PRXL2C: variants seen among roughly 807,000 people sequenced by gnomAD.
PRXL2C encodes the protein peroxiredoxin like 2C, also known as peroxiredoxin-like 2C.
A neutral mutation model predicts 24.9 loss-of-function variants in PRXL2C; 38 were observed. The observed-to-expected ratio is 1.53, with a 90% CI of 1.18 to 2.00. PRXL2C has a LOEUF of 2.00. Among genes scored for constraint, PRXL2C ranks in the 30% most tolerant of loss-of-function variants. The probability of loss-of-function intolerance (pLI) is 0.00; values close to 1 mark genes in which losing one functional copy is unlikely to be tolerated. For synonymous variants in PRXL2C, 98 were observed against 117.2 expected, an observed-to-expected ratio of 0.84 and a Z score of 1.06; for missense variants, 294 against 290.9, an observed-to-expected ratio of 1.01 and a Z score of -0.08.
intron 4 of PRXL2C, among the ~76,000 whole-genome samples, chr9:96,649,337 G>C (rs1365370773): frequency 2.0e-5 from 3 of 149,986 alleles, no homozygotes; most frequent in Non-Finnish European, 4.4e-5. Flanking sequence ...GGCCGAGGTG[G>C]GTGGATCACC....
At position 96,646,035 on chromosome 9, in the gene PRXL2C, G is replaced by A. The variant is rs375471145; in HGVS notation, c.422-11C>T. On this transcript the variant is annotated splice_polypyrimidine_tract_variant and intron_variant, in intron 4 of 5. Transcript: ENST00000375234. ...TGTGGGGGCTCTGTCCTGAAATGTC[G>A]AAAATTGTCTTTAGATGTCATTTTA... is the stretch of plus-strand genomic sequence containing the variant. 7.9e-5 allele frequency: 125 copies of A among 1,587,486 alleles called. No homozygotes were observed. Among genetic ancestry groups the A allele is most frequent in the Non-Finnish European group, 1.0e-4 (117 of 1,170,604 alleles).
At position 96,639,879 on chromosome 9, in the gene PRXL2C, G is replaced by A. The variant is rs1848092328; in HGVS notation, c.*1880C>T. ...AGGCTGAGGCAGGCAGATCACCTGA[G>A]GTCGGGAGTTCGAGACCAGCCTGAC... On this transcript the variant is annotated 3_prime_UTR_variant, in exon 6 of 6. Transcript: ENST00000375234. The A allele has an allele frequency of 6.6e-6, 1 of 151,886 alleles. No individual in the cohort carries two copies. The highest frequency in any genetic ancestry group is 1.5e-5 in the Non-Finnish European group (1 of 67,988). The allele number at this position is 151,886 out of a possible 1,614,324, so 9.4% of individuals were successfully genotyped here.
chr9:96,646,508 G>A (rs929509118), intron 4 of PRXL2C, among the ~76,000 whole-genome samples: 1 of 152,200 alleles, frequency 6.6e-6, no homozygotes, highest in Non-Finnish European at 1.5e-5. Context: ...GACACAGACT[G>A]CTACGTGTTG....
chr9:96,649,596 A>G (rs1002021272), intron 4 of PRXL2C, among the ~76,000 whole-genome samples: 1 of 150,782 alleles, frequency 6.6e-6, no homozygotes, highest in Non-Finnish European at 1.5e-5. Flanking sequence ...AAAAAAACCC[A>G]TCAATAAAGG....
intron 5 of PRXL2C, among the ~76,000 whole-genome samples, chr9:96,642,895 TC>T (rs1564407515): frequency 6.6e-6 from 1 of 152,098 alleles, no homozygotes; most frequent in Non-Finnish European, 1.5e-5. Context: ...GAGTTCCGCA[TC>T]CTCATTCAAC....
chr9:96,642,025 T>G, intron 5 of PRXL2C, 139 bp from the exon 6 acceptor site: 1 of 552,214 alleles, frequency 1.8e-6, no homozygotes, highest in Non-Finnish European at 2.9e-6. Context: ...ATATTCTCTA[T>G]ATAATGCCAT....
At position 96,640,042 on chromosome 9, in the gene PRXL2C, G is replaced by C. The variant is rs1489714072; in HGVS notation, c.*1717C>G. On this transcript the variant is annotated 3_prime_UTR_variant, in exon 6 of 6. Coordinates refer to ENST00000375234, the MANE Select transcript of PRXL2C (RefSeq NM_153698.2). ...CGGGAGGTGGAGGTTGCAGTGAGCC[G>C]AGATCGTGCCATTGCACTCCATCCT... 1 of 149,852 alleles carries C rather than the reference G, an allele frequency of 6.7e-6. No homozygotes were observed. Among genetic ancestry groups the C allele is most frequent in the Non-Finnish European group, 1.5e-5 (1 of 67,826 alleles). 9.3% of individuals were successfully genotyped at this position (149,852 alleles called of 1,614,324 possible).
chr9:96,649,282 G>C (rs537717900), intron 4 of PRXL2C, among the ~76,000 whole-genome samples: 2 of 151,246 alleles, frequency 1.3e-5, no homozygotes, highest in African/African-American at 4.9e-5. Flanking sequence ...ATCTATAAAG[G>C]AGCCGGGTGC....
Position 96,646,034 on chromosome 9 carries a change from C to T in PRXL2C, c.422-10G>A, listed in dbSNP as rs28695264. The T allele has an allele frequency of 2.8e-3, 4,448 of 1,586,416 alleles. 86 individuals carry two copies. In the African/African-American group the frequency reaches 0.052, roughly 19 times the overall value. The stretch of plus-strand genomic sequence containing the variant: ...ATGTGGGGGCTCTGTCCTGAAATGT[C>T]GAAAATTGTCTTTAGATGTCATTTT... On this transcript the variant is annotated splice_polypyrimidine_tract_variant and intron_variant, in intron 4 of 5. Coordinates refer to ENST00000375234, the MANE Select transcript of PRXL2C (RefSeq NM_153698.2).
At chr9:96,641,916 G>C (rs1344411331) in intron 5 of PRXL2C, 30 bp from the exon 6 acceptor site, 2 of 1,434,216 alleles carry the variant, frequency 1.4e-6, no homozygotes, top group South Asian at 1.7e-5. Context: ...AAAGGCTGAG[G>C]CATAGTATTA....
intron 2 of PRXL2C, among the ~76,000 whole-genome samples, chr9:96,654,161 T>G (rs1227572132): frequency 1.3e-5 from 2 of 152,334 alleles, no homozygotes; most frequent in African/African-American, 4.8e-5. Context: ...TAATCAATGT[T>G]ATTTTTTCAC....
Position 96,641,841 on chromosome 9 carries a change from T to A in PRXL2C, c.599A>T (p.His200Leu). 1 of 1,561,996 alleles carries A rather than the reference T, an allele frequency of 6.4e-7. No individual in the cohort carries two copies. Among genetic ancestry groups the A allele is most frequent in the Non-Finnish European group, 8.7e-7 (1 of 1,143,036 alleles). Residue 200 changes from histidine (H) to leucine (L), a missense_variant, in exon 6 of 6, where the codon CAC (histidine) becomes CTC (leucine). His to Leu is a moderately conservative substitution (Grantham distance 99). Coordinates refer to ENST00000375234, the MANE Select transcript of PRXL2C (RefSeq NM_153698.2). Reference protein sequence around the residue: ...FIHRDRNRLDHKPINSVLQLV... With the variant: ...FIHRDRNRLDLKPINSVLQLV... ...CTGTAAAACAGAGTTGATAGGTTTG[T>A]GATCCAACCTATTCCTATCGCGGTG...
intron 5 of PRXL2C, among the ~76,000 whole-genome samples, chr9:96,643,345 C>G (rs1159666741): frequency 6.6e-6 from 1 of 152,198 alleles, no homozygotes; most frequent in Non-Finnish European, 1.5e-5. Flanking sequence ...TTCCCAGGTT[C>G]AAGCGATTAT....
intron 5 of PRXL2C, among the ~76,000 whole-genome samples, chr9:96,644,745 G>A (rs1294242998): frequency 6.6e-6 from 1 of 152,022 alleles, no homozygotes; most frequent in Non-Finnish European, 1.5e-5. Flanking sequence ...CTCCCAAAAT[G>A]CTGGGATTAT....
intron 5 of PRXL2C, among the ~76,000 whole-genome samples, chr9:96,642,964 TACAG>T (rs1381339759): frequency 6.6e-6 from 1 of 152,204 alleles, no homozygotes; most frequent in Non-Finnish European, 1.5e-5. Flanking sequence ...GCTGAATATG[TACAG>T]ACATTTTTTT....
At chr9:96,642,342 C>T (rs1848128542) in intron 5 of PRXL2C, among the ~76,000 whole-genome samples, 1 of 152,028 alleles carries the variant, frequency 6.6e-6, no homozygotes. Flanking sequence ...GTATTATAAC[C>T]ATAGCCCAAA....
intron 1 of PRXL2C, 47 bp downstream of exon 1, chr9:96,655,043 C>T (rs1336018095): frequency 1.4e-6 from 2 of 1,453,722 alleles, no homozygotes; most frequent in African/African-American, 1.5e-5. Context: ...GGCAGCCTGC[C>T]CGGGACCCTG....
Position 96,655,313 on chromosome 9 carries a change from C to T in PRXL2C, c.-32G>A. On this transcript the variant is annotated 5_prime_UTR_variant, in exon 1 of 6. Transcript: ENST00000375234. ...GGGCGGCCGAGGGCCTGGGTCCGCT[C>T]TGTCAGCGCGGACCGGGGCGGGGCG... 1.9e-6 allele frequency: 2 copies of T among 1,030,756 alleles called. No homozygotes were observed. The highest frequency in any genetic ancestry group is 1.2e-6 in the Non-Finnish European group (1 of 859,000). The allele number at this position is 1,030,756 out of a possible 1,614,324, so 63.9% of individuals were successfully genotyped here.
rs145355978 is a variant in PRXL2C, at chr9:96,653,204, G to A, written c.262-1492C>T. On this transcript the variant is annotated intron_variant, in intron 2 of 5. Transcript: ENST00000375234. ...ATCGCGCCACTGCACTCCAGCCTGGGCGATAGAGTGAGACTCCATCTCAAA... is the reference window on the plus strand; with the variant it reads ...ATCGCGCCACTGCACTCCAGCCTGGACGATAGAGTGAGACTCCATCTCAAA... 9.9e-3 allele frequency among the ~76,000 whole-genome samples: 1,496 copies of A among 151,446 alleles called. 17 individuals carry two copies. Among genetic ancestry groups the A allele is most frequent in the African/African-American group, 0.035 (1,426 of 41,088 alleles).
Sources: gnomAD v4.1 joint callset for allele counts (sites outside exome capture counted in the v4.1 genomes callset) on GRCh38, gnomAD v4.1.1 for gene constraint, MANE v1.5 for transcripts, NCBI Gene and HGNC (gene_info 2026-07-23, HGNC 2026-07-21) for gene names.